The following SCOC variants were observed in gnomAD, a reference collection of about 807,000 sequenced individuals.
The protein encoded by SCOC is short coiled coil protein.
In SCOC, 7 loss-of-function variants were observed where a neutral mutation model predicts 9.9. The ratio of observed to expected loss-of-function variants is 0.71; its 90% CI spans 0.40 to 1.33. The LOEUF (loss-of-function observed/expected upper bound fraction) is 1.33. Among genes scored for constraint, SCOC ranks in the 40% most tolerant of loss-of-function variants. SCOC has a pLI of 0.01. For synonymous variants in SCOC, 19 were observed against 28.2 expected (o/e 0.67, Z 1.03); for missense variants, 66 against 89.7 (o/e 0.74, Z 1.07).
chr4:140,331,973 G>C (rs1268019605), intron 1 of SCOC, among the ~76,000 whole-genome samples: 1 of 148,584 alleles, frequency 6.7e-6, no homozygotes, highest in Non-Finnish European at 1.5e-5. Context: ...ATGGTGGAAG[G>C]CAAAGCTGGA....
At chr4:140,290,797 T>G (rs973945815) in intron 1 of SCOC, among the ~76,000 whole-genome samples, 26 of 152,064 alleles carry the variant, frequency 1.7e-4, no homozygotes, top group Admixed American at 7.9e-4. Flanking sequence ...TGGGAAACAT[T>G]GAGTGAGACT....
At chr4:140,283,815 G>A (rs1036247838) in intron 1 of SCOC, 1 of 152,168 alleles carries the variant, frequency 6.6e-6, no homozygotes, top group Non-Finnish European at 1.5e-5. Flanking sequence ...ATAAAAATTT[G>A]TAGCAGTTTT....
upstream of SCOC, among the ~76,000 whole-genome samples, chr4:140,340,232 T>C (rs1483801754): frequency 1.3e-5 from 2 of 151,386 alleles, no homozygotes; most frequent in African/African-American, 4.9e-5. Flanking sequence ...TTGTCACTCA[T>C]AGGTGGGAAT....
intron 1 of SCOC, among the ~76,000 whole-genome samples, chr4:140,327,389 T>C (rs975848542): frequency 6.6e-6 from 1 of 152,162 alleles, no homozygotes; most frequent in Non-Finnish European, 1.5e-5. Flanking sequence ...TTGAACTATA[T>C]GGAGCTCTCT....
In SCOC at chr4:140,365,559, T is replaced by C. The variant is rs77584334; in HGVS notation, c.71-13562T>C. Among the ~76,000 whole-genome samples, 555 of 152,310 alleles carry C rather than the reference T, an allele frequency of 3.6e-3. 13 individuals carry two copies. The East Asian group carries it at 0.041, about 11-fold the overall frequency. Reference sequence around the variant, plus strand: ...GCAAAAAGTCAGACAGAAATTACAATGTATTTTCATAAAGTTTCACTGAGT... The same window carrying C: ...GCAAAAAGTCAGACAGAAATTACAACGTATTTTCATAAAGTTTCACTGAGT... On this transcript the variant is annotated intron_variant, in intron 2 of 4. Coordinates refer to the SCOC transcript ENST00000338517.
At position 140,382,943 on chromosome 4, in the gene SCOC, G is replaced by A. The variant is rs1351903957; in HGVS notation, c.*1839G>A. The stretch of plus-strand genomic sequence containing the variant: ...CAGCCCTTGTTCAAACAGTTATTCA[G>A]GGACTTTGGCTGAGGATGGTGCTGC... On this transcript the variant is annotated 3_prime_UTR_variant, in exon 4 of 4. Transcript: ENST00000608372. The A allele has an allele frequency of 6.6e-6, 1 of 152,254 alleles. No individual in the cohort carries two copies. The highest frequency in any genetic ancestry group is 1.9e-4 in the East Asian group (1 of 5,194). The allele number at this position is 152,254 out of a possible 1,614,324, so 9.4% of individuals were successfully genotyped here.
chr4:140,283,537 A>G (rs1038964775), intron 1 of SCOC, among the ~76,000 whole-genome samples: 1 of 152,160 alleles, frequency 6.6e-6, no homozygotes, highest in Non-Finnish European at 1.5e-5. Flanking sequence ...GCTATGATTT[A>G]AGGAAATCAT....
At chr4:140,293,384 C>T (rs1280982818) in intron 1 of SCOC, 1 of 456,690 alleles carries the variant, frequency 2.2e-6, no homozygotes, top group Non-Finnish European at 4.4e-6. Context: ...CAGGGCACGC[C>T]AAGACAGGAT....
At chr4:140,359,620 T>G (rs1727376264) in intron 2 of SCOC, among the ~76,000 whole-genome samples, 1 of 152,188 alleles carries the variant, frequency 6.6e-6, no homozygotes, top group Non-Finnish European at 1.5e-5. Flanking sequence ...TGGACACAGA[T>G]TATTTATATC....
chr4:140,382,130 A>G lies in SCOC; in HGVS notation c.*1026A>G, dbSNP rs1371007961. On this transcript the variant is annotated 3_prime_UTR_variant, in exon 4 of 4. Transcript: ENST00000608372. Reference sequence around the variant, plus strand: ...TCCGTAATGGTGTATTAGTATTAGAATAGTGAATAAAATGGGAAAGTTATA... The same window carrying G: ...TCCGTAATGGTGTATTAGTATTAGAGTAGTGAATAAAATGGGAAAGTTATA... 6.6e-6 allele frequency: 1 copy of G among 152,224 alleles called. No individual in the cohort carries two copies. The highest frequency in any genetic ancestry group is 1.5e-5 in the Non-Finnish European group (1 of 68,034). 9.4% of individuals were successfully genotyped at this position (152,224 alleles called of 1,614,324 possible).
intron 1 of SCOC, among the ~76,000 whole-genome samples, chr4:140,328,326 A>C (rs1732710894): frequency 6.6e-6 from 1 of 152,184 alleles, no homozygotes; most frequent in African/African-American, 2.4e-5. Context: ...TGAACTGAAG[A>C]AAGGGAATAG....
At chr4:140,325,470 T>G (rs891624475) in intron 1 of SCOC, among the ~76,000 whole-genome samples, 2 of 152,154 alleles carry the variant, frequency 1.3e-5, no homozygotes, top group African/African-American at 4.8e-5. Context: ...TCTCTCTCTA[T>G]ATAATGACAT....
intron 1 of SCOC, among the ~76,000 whole-genome samples, chr4:140,264,735 T>A (rs1730699609): frequency 6.6e-6 from 1 of 152,332 alleles, no homozygotes; most frequent in Middle Eastern, 3.4e-3. Context: ...CTAATATTAT[T>A]GGAACTTAGA....
chr4:140,292,737 G>A (rs1731512446), intron 1 of SCOC, among the ~76,000 whole-genome samples: 1 of 152,090 alleles, frequency 6.6e-6, no homozygotes, highest in Non-Finnish European at 1.5e-5. Flanking sequence ...TTATTCTGGG[G>A]GAGCCACCTC....
chr4:140,343,661 A>G (rs1726591348), exon 2 of SCOC: 2 of 1,613,808 alleles, frequency 1.2e-6, no homozygotes, highest in East Asian at 4.5e-5. Flanking sequence ...AGGAAAGAGG[A>G]GGAGGAAGAC....
At chr4:140,287,313 C>G (rs1242307726) in intron 1 of SCOC, among the ~76,000 whole-genome samples, 2 of 149,518 alleles carry the variant, frequency 1.3e-5, no homozygotes, top group Non-Finnish European at 3.0e-5. Context: ...ATACCATACA[C>G]CACACATGTT....
At chr4:140,314,226 C>T in intron 1 of SCOC, 1 of 209,358 alleles carries the variant, frequency 4.8e-6, no homozygotes, top group South Asian at 8.9e-5. Flanking sequence ...CTTTTCTATC[C>T]CTGTCAGTTT....
At chr4:140,355,600 C>T (rs1727193824) in intron 2 of SCOC, among the ~76,000 whole-genome samples, 1 of 152,076 alleles carries the variant, frequency 6.6e-6, no homozygotes, top group Admixed American at 6.6e-5. Flanking sequence ...CAATAAGGTG[C>T]CTGCATTGCA....
intron 1 of SCOC, among the ~76,000 whole-genome samples, chr4:140,280,087 G>A (rs918098478): frequency 3.3e-5 from 5 of 152,154 alleles, no homozygotes; most frequent in African/African-American, 1.2e-4. Flanking sequence ...TATGGCTACA[G>A]TGAGTTGCAA....
Sources: allele counts gnomAD v4.1 joint callset (sites outside exome capture counted in the v4.1 genomes callset), GRCh38; gene constraint gnomAD v4.1.1; transcripts MANE v1.5; gene names NCBI Gene and HGNC (gene_info 2026-07-23, HGNC 2026-07-21).